RIPOR2: variants seen among roughly 807,000 people sequenced by gnomAD.
The protein encoded by RIPOR2 is RHO family interacting cell polarization regulator 2.
RIPOR2 carries 39 observed loss-of-function variants against 114.5 expected under a neutral mutation model. That is an observed-to-expected ratio of 0.34 (90% CI 0.26 to 0.44). RIPOR2 has a LOEUF of 0.44. RIPOR2 is among the 20% of genes least tolerant of loss of function. The pLI is 1.00. For missense variants in RIPOR2, 1,007 were observed against 1,255.1 expected (o/e 0.80, Z 2.99); for synonymous variants, 445 against 484.4 (o/e 0.92, Z 1.07).
intron 12 of RIPOR2, 90 bp from the exon 13 acceptor site, chr6:24,843,644 T>C (rs1392944602): frequency 1.0e-6 from 1 of 997,760 alleles, no homozygotes; most frequent in Non-Finnish European, 1.4e-6. Flanking sequence ...TATAAGGCAA[T>C]TACAATGAAA....
intron 1 of RIPOR2, among the ~76,000 whole-genome samples, chr6:24,896,589 G>A (rs1767909427): frequency 6.6e-6 from 1 of 152,128 alleles, no homozygotes; most frequent in South Asian, 2.1e-4. Flanking sequence ...ATATCAGGAG[G>A]TCAAAAATAG....
At chr6:24,935,035 T>A (rs1248216172) in intron 1 of RIPOR2, among the ~76,000 whole-genome samples, 3 of 152,058 alleles carry the variant, frequency 2.0e-5, no homozygotes, top group Non-Finnish European at 4.4e-5. Flanking sequence ...AGGCCGGGCA[T>A]GGTAGCTCAC....
At position 24,850,726 on chromosome 6, in the gene RIPOR2, G is replaced by A. The variant is rs755572171; in HGVS notation, c.760-4C>T. The A allele has an allele frequency of 1.2e-5, 20 of 1,613,316 alleles. No homozygotes were observed. Among genetic ancestry groups the A allele is most frequent in the Non-Finnish European group, 1.7e-5 (20 of 1,179,848 alleles). Reference sequence around the variant, plus strand: ...GCCGGCCATACTTCATGAAAATCTGGAGAGGAGACATCCAAGGGCCTTCAT... The same window carrying A: ...GCCGGCCATACTTCATGAAAATCTGAAGAGGAGACATCCAAGGGCCTTCAT... On this transcript the variant is annotated splice_polypyrimidine_tract_variant and splice_region_variant and intron_variant, in intron 9 of 21. Coordinates refer to ENST00000643898, the MANE Select transcript of RIPOR2 (RefSeq NM_001286445.3).
chr6:24,878,685 G>T (rs750238292), intron 1 of RIPOR2, among the ~76,000 whole-genome samples: 4 of 152,060 alleles, frequency 2.6e-5, no homozygotes, highest in Non-Finnish European at 5.9e-5. Flanking sequence ...TATGGGGAGG[G>T]TTGTAAAGTC....
chr6:24,866,723 G>T (rs1042950941), intron 6 of RIPOR2, among the ~76,000 whole-genome samples: 12 of 151,968 alleles, frequency 7.9e-5, no homozygotes, highest in Non-Finnish European at 1.8e-4. Context: ...TTAACTGACT[G>T]CAGTTAACTA....
intron 1 of RIPOR2, 56 bp downstream of exon 1, chr6:24,935,782 G>T (rs1771767452): frequency 8.0e-7 from 1 of 1,253,386 alleles, no homozygotes; most frequent in South Asian, 1.3e-5. Context: ...GTGTCCAGTG[G>T]TGTCAAAACA....
intron 1 of RIPOR2, among the ~76,000 whole-genome samples, chr6:24,891,759 A>G (rs1399648438): frequency 7.1e-6 from 1 of 141,480 alleles, no homozygotes; most frequent in African/African-American, 3.1e-5. Context: ...TAATCACACC[A>G]AGCTCTCACT....
intron 9 of RIPOR2, 91 bp downstream of exon 9, chr6:24,852,484 A>T: frequency 9.9e-7 from 1 of 1,014,852 alleles, no homozygotes; most frequent in Non-Finnish European, 1.5e-6. Flanking sequence ...AAAAAAAAAA[A>T]AGACAACTTG....
chr6:24,819,607 G>C (rs1240744908), intron 19 of RIPOR2, among the ~76,000 whole-genome samples: 3 of 141,626 alleles, frequency 2.1e-5, no homozygotes, highest in Admixed American at 7.5e-5. Context: ...TCCATCTCCC[G>C]GGTTCAAGAG....
intron 1 of RIPOR2, among the ~76,000 whole-genome samples, chr6:24,950,642 C>T (rs376717737): frequency 1.1e-3 from 173 of 152,246 alleles, no homozygotes; most frequent in African/African-American, 2.6e-3. Flanking sequence ...GCAGGGTCAC[C>T]GGAGCAAGCC....
Position 24,983,476 on chromosome 6 carries a change from G to A in RIPOR2, c.76+58375C>T, listed in dbSNP as rs558594928. 1.5e-4 allele frequency among the ~76,000 whole-genome samples: 23 copies of A among 152,200 alleles called. No individual in the cohort carries two copies. In the South Asian group the frequency reaches 3.1e-3, roughly 21 times the overall value. On this transcript the variant is annotated intron_variant, in intron 1 of 13. Coordinates refer to the RIPOR2 transcript ENST00000510784. ...TATCCCTTAATATTAAAGCCCTGAG[G>A]CCAGGCGCGGTGGCTTACGCCTGTA...
chr6:24,905,841 T>G (rs1453987350), intron 1 of RIPOR2, among the ~76,000 whole-genome samples: 2 of 152,202 alleles, frequency 1.3e-5, no homozygotes, highest in African/African-American at 4.8e-5. Flanking sequence ...GCCCTTGCCT[T>G]CCTTCCAAGA....
upstream of RIPOR2, among the ~76,000 whole-genome samples, chr6:24,940,083 T>C (rs1772040051): frequency 6.6e-6 from 1 of 152,218 alleles, no homozygotes; most frequent in Admixed American, 6.5e-5. Flanking sequence ...TAAGTAAATA[T>C]ATAAGTGAGA....
chr6:24,838,002 A>G (rs1761268000), intron 14 of RIPOR2, among the ~76,000 whole-genome samples: 1 of 152,170 alleles, frequency 6.6e-6, no homozygotes, highest in Non-Finnish European at 1.5e-5. Flanking sequence ...TTTCTTTCAC[A>G]GCAATTGATG....
Position 24,811,657 on chromosome 6 carries a change from CTT to C in RIPOR2, c.2953-1852_2953-1851del, listed in dbSNP as rs1222503239. Among the ~76,000 whole-genome samples the C allele has an allele frequency of 5.4e-3, 116 of 21,656 alleles. 2 individuals carry two copies. Among genetic ancestry groups the C allele is most frequent in the African/African-American group, 9.2e-3 (109 of 11,878 alleles). 14.2% of individuals were successfully genotyped at this position (21,656 alleles called of 152,430 possible). On this transcript the variant is annotated intron_variant, in intron 20 of 21. Transcript: ENST00000643898. ...GTCAGGAGTTCCCATTCGTTTAGTA[CTT>C]TTTTTTTTTTTTTTTTCTTTTTTTT...
chr6:24,850,096 TC>T, intron 10 of RIPOR2, 146 bp from the exon 11 acceptor site: 4 of 599,550 alleles, frequency 6.7e-6, no homozygotes, highest in African/African-American at 2.4e-5. Flanking sequence ...TTTTTCTTTT[TC>T]TTTTTTTTTT....
At chr6:24,956,432 C>G (rs12332964) in intron 1 of RIPOR2, among the ~76,000 whole-genome samples, 20,012 of 152,176 alleles carry the variant, frequency 0.13, 2,909 homozygotes, top group African/African-American at 0.36. Context: ...AACTTAAATA[C>G]TTATCATCTT....
intron 1 of RIPOR2, among the ~76,000 whole-genome samples, chr6:25,029,244 C>T (rs1581980871): frequency 6.6e-6 from 1 of 151,398 alleles, no homozygotes; most frequent in African/African-American, 2.4e-5. Context: ...GCCGAGATCG[C>T]GACACTGCAC....
chr6:24,985,489 C>T (rs371944699), intron 1 of RIPOR2, among the ~76,000 whole-genome samples: 2 of 152,214 alleles, frequency 1.3e-5, no homozygotes, highest in African/African-American at 4.8e-5. Context: ...TTTCTGGAAA[C>T]CCTAACCCAA....
Sources: gnomAD v4.1 joint callset for allele counts (sites outside exome capture counted in the v4.1 genomes callset) on GRCh38, gnomAD v4.1.1 for gene constraint, MANE v1.5 for transcripts, NCBI Gene and HGNC (gene_info 2026-07-23, HGNC 2026-07-21) for gene names.